The following NRG1 variants were observed in gnomAD, a reference collection of about 807,000 sequenced individuals.
NRG1 encodes the protein neuregulin 1, also known as pro-neuregulin-1, membrane-bound isoform.
A neutral mutation model predicts 63.8 loss-of-function variants in NRG1; 18 were observed. That is an observed-to-expected ratio of 0.28 (90% CI 0.19 to 0.42). The LOEUF (loss-of-function observed/expected upper bound fraction) is 0.42. Among genes scored for constraint, NRG1 ranks in the 10% least tolerant of loss-of-function variants. The pLI is 1.00. For missense variants in NRG1, 762 were observed against 814.7 expected (o/e 0.94, Z 0.79); for synonymous variants, 302 against 301.3 (o/e 1.00, Z -0.02).
chr8:32,770,901 G>C (rs889191852), downstream of NRG1, among the ~76,000 whole-genome samples: 5 of 152,080 alleles, frequency 3.3e-5, no homozygotes, highest in African/African-American at 1.2e-4. Context: ...TTCCCCTCCA[G>C]TTCCTTAAGT....
At chr8:32,334,357 A>C (rs1445555666) in intron 1 of NRG1, among the ~76,000 whole-genome samples, 1 of 152,196 alleles carries the variant, frequency 6.6e-6, no homozygotes, top group Admixed American at 6.5e-5. Context: ...GAGAGCTCTG[A>C]CACTTTCCAG....
chr8:31,861,403 GT>G (rs902700660), intron 1 of NRG1, among the ~76,000 whole-genome samples: 26 of 151,048 alleles, frequency 1.7e-4, no homozygotes, highest in Middle Eastern at 6.8e-3. Flanking sequence ...ATCTATTACT[GT>G]TTTTTTTTAA....
chr8:31,778,421 G>T (rs1586345806), intron 1 of NRG1, among the ~76,000 whole-genome samples: 1 of 152,108 alleles, frequency 6.6e-6, no homozygotes, highest in South Asian at 2.1e-4. Flanking sequence ...TTTTGTTCTT[G>T]CTCTTATCTG....
intron 1 of NRG1, among the ~76,000 whole-genome samples, chr8:32,391,429 G>T (rs534668916): frequency 6.6e-6 from 1 of 152,002 alleles, no homozygotes; most frequent in African/African-American, 2.4e-5. Context: ...CTCATGTCAC[G>T]GGGATCTGTT....
rs146680441 is a variant in NRG1 at position 32,560,450 on chromosome 8, G to A, written c.100+11624G>A. ...TATCACCAGGTGCCATCATGGTGCT[G>A]AGAACATAGTCTTTGTTTTTAAGAA... is the stretch of plus-strand genomic sequence containing the variant. On this transcript the variant is annotated intron_variant, in intron 1 of 11. Transcript: ENST00000356819. Among the ~76,000 whole-genome samples the A allele has an allele frequency of 5.6e-3, 847 of 152,296 alleles. 3 individuals carry two copies. Among genetic ancestry groups the A allele is most frequent in the Middle Eastern group, 0.027 (8 of 294 alleles).
chr8:32,047,741 T>C (rs1205402684), intron 1 of NRG1, among the ~76,000 whole-genome samples: 1 of 152,060 alleles, frequency 6.6e-6, no homozygotes, highest in Non-Finnish European at 1.5e-5. Context: ...AATTAACATA[T>C]GTATTACATT....
At chr8:31,931,699 C>G (rs1481208725) in intron 1 of NRG1, among the ~76,000 whole-genome samples, 2 of 152,126 alleles carry the variant, frequency 1.3e-5, no homozygotes, top group African/African-American at 4.8e-5. Context: ...TCTTGTGTCT[C>G]CAGGATTTCT....
chr8:32,330,482 G>A lies in NRG1; in HGVS notation c.38-265346G>A, dbSNP rs557174523. Reference sequence around the variant, plus strand: ...GAATGCCTGTGGGGAAGTGAAGGATGTGGAGGAGGAAGATGGACTGGAATT... The same window carrying A: ...GAATGCCTGTGGGGAAGTGAAGGATATGGAGGAGGAAGATGGACTGGAATT... On this transcript the variant is annotated intron_variant, in intron 1 of 10. Transcript: ENST00000519301. Among the ~76,000 whole-genome samples the A allele has an allele frequency of 3.9e-5, 6 of 152,326 alleles. No individual in the cohort carries two copies. In the South Asian group the frequency reaches 8.3e-4, roughly 21 times the overall value.
intron 1 of NRG1, among the ~76,000 whole-genome samples, chr8:32,462,595 C>CTTTTTTTTTTTTTTTTTTTTTTTTTTT: frequency 1.4e-5 from 1 of 72,276 alleles, no homozygotes; most frequent in Non-Finnish European, 2.5e-5. Context: ...CACACTGATT[C>CTTTTTTTTTTTTTTTTTTTTTTTTTTT]TTTTTTTTTT....
At chr8:31,987,519 AC>A (rs1810293607) in intron 1 of NRG1, among the ~76,000 whole-genome samples, 1 of 151,920 alleles carries the variant, frequency 6.6e-6, no homozygotes, top group African/African-American at 2.4e-5. Context: ...ACATGTTCTC[AC>A]TTACAAGTGA....
chr8:32,111,860 T>C (rs1832072066), intron 1 of NRG1, among the ~76,000 whole-genome samples: 1 of 152,130 alleles, frequency 6.6e-6, no homozygotes, highest in East Asian at 1.9e-4. Flanking sequence ...TCCACTTCCT[T>C]ATCTGTCTGG....
chr8:31,903,794 A>G (rs1832299755), intron 1 of NRG1, among the ~76,000 whole-genome samples: 2 of 151,898 alleles, frequency 1.3e-5, no homozygotes, highest in Admixed American at 6.6e-5. Flanking sequence ...GTTTCTACTA[A>G]AAATACAAAA....
chr8:32,276,519 T>C (rs1452729855), intron 1 of NRG1, among the ~76,000 whole-genome samples: 1 of 152,180 alleles, frequency 6.6e-6, no homozygotes, highest in African/African-American at 2.4e-5. Flanking sequence ...GGCTTTTCTT[T>C]TTATGAGACA....
chr8:31,913,933 A>G (rs1563558725), intron 1 of NRG1, among the ~76,000 whole-genome samples: 1 of 152,212 alleles, frequency 6.6e-6, no homozygotes, highest in Admixed American at 6.5e-5. Flanking sequence ...GAAATGGAAA[A>G]GAATCTACAG....
intron 1 of NRG1, among the ~76,000 whole-genome samples, chr8:31,761,315 G>A (rs1188851168): frequency 6.6e-6 from 1 of 151,432 alleles, no homozygotes; most frequent in African/African-American, 2.4e-5. Context: ...GGTGAGGGGA[G>A]TGGGGAGGGA....
intron 1 of NRG1, among the ~76,000 whole-genome samples, chr8:32,025,529 C>G (rs1306798255): frequency 6.6e-6 from 1 of 152,026 alleles, no homozygotes; most frequent in East Asian, 1.9e-4. Context: ...CTATTGACCT[C>G]AAATAAATGT....
intron 1 of NRG1, among the ~76,000 whole-genome samples, chr8:32,486,985 A>G (rs1428412253): frequency 1.3e-5 from 2 of 152,186 alleles, no homozygotes; most frequent in Admixed American, 6.5e-5. Context: ...GATCTAGTTA[A>G]TAGCAGGTGT....
chr8:31,796,600 T>C lies in NRG1; in HGVS notation c.37+157169T>C, dbSNP rs909762470. Among the ~76,000 whole-genome samples, 56 of 151,766 alleles carry C rather than the reference T, an allele frequency of 3.7e-4. 1 individual carries two copies. Among genetic ancestry groups the C allele is most frequent in the African/African-American group, 1.2e-3 (49 of 41,416 alleles). On this transcript the variant is annotated intron_variant, in intron 1 of 10. Coordinates refer to the NRG1 transcript ENST00000519301. The stretch of plus-strand genomic sequence containing the variant: ...GGCTCCCGCCACCACACCAGGCTAA[T>C]TTTGTTTCTGTATTTTTAGTAGAGA...
At chr8:32,475,406 A>C (rs1170051014) in intron 1 of NRG1, among the ~76,000 whole-genome samples, 1 of 138,288 alleles carries the variant, frequency 7.2e-6, no homozygotes, top group Non-Finnish European at 1.5e-5. Context: ...TGGAGGTTGC[A>C]GTGACCTGAG....
Sources: gnomAD v4.1 joint callset for allele counts (sites outside exome capture counted in the v4.1 genomes callset) on GRCh38, gnomAD v4.1.1 for gene constraint, MANE v1.5 for transcripts, NCBI Gene and HGNC (gene_info 2026-07-23, HGNC 2026-07-21) for gene names.